ATP7B: variants seen among roughly 807,000 people sequenced by gnomAD.
ATP7B encodes the protein copper-transporting ATPase 2.
In ATP7B, 113 loss-of-function variants were observed where a neutral mutation model predicts 118.9. The observed-to-expected ratio is 0.95, with a 90% confidence interval of 0.82 to 1.11. The LOEUF is 1.11. Ranked by LOEUF, ATP7B falls within the 50% of genes most tolerant of loss-of-function variation. The probability of loss-of-function intolerance (pLI) is 0.00; values close to 1 mark genes in which losing one functional copy is unlikely to be tolerated. For synonymous variants in ATP7B, 777 were observed against 727.4 expected, an observed-to-expected ratio of 1.07 and a Z score of -1.10; for missense variants, 1,867 against 1,871.4, an observed-to-expected ratio of 1.00 and a Z score of 0.04.
chr13:51,978,222 C>A (rs1952222533), intron 1 of ATP7B, among the ~76,000 whole-genome samples: 1 of 152,000 alleles, frequency 6.6e-6, no homozygotes, highest in South Asian at 2.1e-4. Context: ...AAAAGATTTG[C>A]TTCACATAGC....
At chr13:51,967,185 G>C (rs1951594331) in intron 4 of ATP7B, 12 of 1,465,716 alleles carry the variant, frequency 8.2e-6, no homozygotes, top group Non-Finnish European at 1.0e-5. Context: ...AGTTAACTAA[G>C]AGAATGACCA....
chr13:51,980,055 TTTTAATTCAG>T (rs1293641595), intron 1 of ATP7B, among the ~76,000 whole-genome samples: 1 of 152,354 alleles, frequency 6.6e-6, no homozygotes, highest in Non-Finnish European at 1.5e-5. Context: ...ATATGCATGC[TTTTAATTCAG>T]TTCTTCAATT....
Position 52,002,791 on chromosome 13 carries a change from G to T in ATP7B, c.51+8496C>A, listed in dbSNP as rs191256918. On this transcript the variant is annotated intron_variant, in intron 1 of 20. Coordinates refer to ENST00000242839, the MANE Select transcript of ATP7B (RefSeq NM_000053.4). ...GTGACACAAAGGTTTTGGTTTCCTT[G>T]TGCATATAAAAGTTATGTTTACACT... Among the ~76,000 whole-genome samples, 4 of 152,188 alleles carry T rather than the reference G, an allele frequency of 2.6e-5. No homozygotes were observed. In the East Asian group the frequency reaches 7.7e-4, roughly 29 times the overall value.
At position 51,934,736 on chromosome 13, in the gene ATP7B, G is replaced by C. The variant is rs568667533; in HGVS notation, c.*20C>G. 1.1e-5 allele frequency: 18 copies of C among 1,611,756 alleles called. No individual in the cohort carries two copies. In the African/African-American group the frequency reaches 1.7e-4, roughly 16 times the overall value. On this transcript the variant is annotated 3_prime_UTR_variant, in exon 21 of 21. Coordinates refer to ENST00000242839, the MANE Select transcript of ATP7B (RefSeq NM_000053.4). ...GTGAGTGGAGGCAAGTCCCTGCCCCGGCCCGCCTGCCTGAAGTCATCAGAT... is the reference window on the plus strand; with the variant it reads ...GTGAGTGGAGGCAAGTCCCTGCCCCCGCCCGCCTGCCTGAAGTCATCAGAT...
In ATP7B at chr13:51,978,706, A is replaced by G. The variant is rs1217023846; in HGVS notation, c.52-3538T>C. On this transcript the variant is annotated intron_variant, in intron 1 of 20. Transcript: ENST00000242839. ...ATGTAATGAAATAAGCTGATATCTA[A>G]TATACTGCTCAGCAACAAAAGCAAG... The G allele has an allele frequency of 2.0e-5, 3 of 152,260 alleles. 1 individual carries two copies. Among genetic ancestry groups the G allele is most frequent in the Admixed American group, 2.0e-4 (3 of 15,274 alleles). 9.4% of individuals were successfully genotyped at this position (152,260 alleles called of 1,614,324 possible).
chr13:51,944,942 C>T (rs1957555056), intron 13 of ATP7B, among the ~76,000 whole-genome samples: 1 of 152,198 alleles, frequency 6.6e-6, no homozygotes, highest in Admixed American at 6.5e-5. Context: ...TTCTGAAAGT[C>T]CAGTAATTCC....
At chr13:51,948,182 T>C (rs1049443431) in intron 12 of ATP7B, among the ~76,000 whole-genome samples, 1 of 152,188 alleles carries the variant, frequency 6.6e-6, no homozygotes, top group Non-Finnish European at 1.5e-5. Flanking sequence ...GTAAATGACA[T>C]GTGTCCTGAG....
intron 7 of ATP7B, chr13:51,959,733 T>G (rs1958606747): frequency 4.3e-6 from 1 of 230,984 alleles, no homozygotes; most frequent in Non-Finnish European, 8.6e-6. Context: ...GGACCATATC[T>G]CCACCTTTTA....
intron 1 of ATP7B, among the ~76,000 whole-genome samples, chr13:52,008,222 C>A (rs771175153): frequency 8.5e-5 from 13 of 152,194 alleles, no homozygotes; most frequent in Non-Finnish European, 1.6e-4. Context: ...CGCCTGTAAT[C>A]CCAGCTACTC....
At chr13:51,961,231 A>T (rs890190068) in intron 6 of ATP7B, among the ~76,000 whole-genome samples, 1 of 151,750 alleles carries the variant, frequency 6.6e-6, no homozygotes, top group South Asian at 2.1e-4. Context: ...ACTCTTTCTC[A>T]GCCAGACTAT....
chr13:51,939,281 TA>T, intron 16 of ATP7B, 88 bp from the exon 17 acceptor site: 1 of 1,577,136 alleles, frequency 6.3e-7, no homozygotes. Flanking sequence ...CATCATATAA[TA>T]TTATGTGCAA....
chr13:52,003,980 C>T (rs1953652764), intron 1 of ATP7B, among the ~76,000 whole-genome samples: 1 of 152,170 alleles, frequency 6.6e-6, no homozygotes, highest in African/African-American at 2.4e-5. Context: ...CAGGACTGGC[C>T]GGGCGCGGTG....
At chr13:51,979,423 G>T (rs1480480779) in intron 1 of ATP7B, among the ~76,000 whole-genome samples, 2 of 152,262 alleles carry the variant, frequency 1.3e-5, no homozygotes, top group African/African-American at 4.8e-5. Flanking sequence ...GGGATACAGA[G>T]AATTACTTTC....
chr13:51,993,129 A>C (rs1445182543), intron 1 of ATP7B, among the ~76,000 whole-genome samples: 1 of 152,160 alleles, frequency 6.6e-6, no homozygotes, highest in Non-Finnish European at 1.5e-5. Context: ...ACATTATGTA[A>C]ACATAAACAT....
At chr13:51,971,554 A>G (rs554221463) in intron 2 of ATP7B, among the ~76,000 whole-genome samples, 1 of 152,346 alleles carries the variant, frequency 6.6e-6, no homozygotes, top group African/African-American at 2.4e-5. Flanking sequence ...TGCACGGTTG[A>G]AAGACTTTAA....
chr13:51,985,081 C>T (rs190141884), intron 1 of ATP7B, among the ~76,000 whole-genome samples: 153 of 152,228 alleles, frequency 1.0e-3, no homozygotes, highest in African/African-American at 3.5e-3. Flanking sequence ...TAACCTTAAA[C>T]GTAAACAGGC....
chr13:51,957,860 C>T, intron 8 of ATP7B: 1 of 525,790 alleles, frequency 1.9e-6, no homozygotes, highest in Non-Finnish European at 3.4e-6. Context: ...AAACATCAGT[C>T]TTCCCACTGA....
chr13:51,946,241 A>C, intron 13 of ATP7B, 43 bp downstream of exon 13: 1 of 1,546,990 alleles, frequency 6.5e-7, no homozygotes, highest in Non-Finnish European at 8.7e-7. Flanking sequence ...AACAGATACT[A>C]CTTTCATCTC....
chr13:51,966,641 T>G, intron 4 of ATP7B: 1 of 931,954 alleles, frequency 1.1e-6, no homozygotes, highest in South Asian at 1.5e-5. Context: ...AATGCAACTA[T>G]TGATACAGCA....
Sources: allele counts gnomAD v4.1 joint callset (sites outside exome capture counted in the v4.1 genomes callset), GRCh38; gene constraint gnomAD v4.1.1; transcripts MANE v1.5; gene names NCBI Gene and HGNC (gene_info 2026-07-23, HGNC 2026-07-21).